Variants in C8orf89 observed in about 807,000 individuals in gnomAD.
The protein encoded by C8orf89 is chromosome 8 open reading frame 89.
A neutral mutation model predicts 15.8 loss-of-function variants in C8orf89; 14 were observed. The observed-to-expected ratio is 0.89, with a 90% CI of 0.59 to 1.39. C8orf89 has a LOEUF of 1.39. Among genes scored for constraint, C8orf89 ranks in the 40% most tolerant of loss-of-function variants. The pLI is 0.00. For missense variants in C8orf89, 181 were observed against 184.5 expected (o/e 0.98, Z 0.11); for synonymous variants, 55 against 62.2 (o/e 0.88, Z 0.54).
At chr8:73,249,804 G>A (rs1372490534) in intron 3 of C8orf89, among the ~76,000 whole-genome samples, 1 of 152,068 alleles carries the variant, frequency 6.6e-6, no homozygotes, top group Non-Finnish European at 1.5e-5. Flanking sequence ...TAAGTACACA[G>A]GATTCACAAA....
chr8:73,280,720 C>CATATATATACACAT, the C8orf89 span, among the ~76,000 whole-genome samples: 1 of 149,160 alleles, frequency 6.7e-6, no homozygotes, highest in African/African-American at 2.5e-5. Flanking sequence ...TATATATACA[C>CATATATATACACAT]ATATATATAC....
At chr8:73,271,066 C>A in the C8orf89 span, among the ~76,000 whole-genome samples, 26 of 152,314 alleles carry the variant, frequency 1.7e-4, no homozygotes, top group African/African-American at 6.3e-4. Flanking sequence ...CTTTGCCAAT[C>A]CCCCATTCCT....
At chr8:73,247,385 T>C (rs1378494508) in intron 3 of C8orf89, among the ~76,000 whole-genome samples, 2 of 152,240 alleles carry the variant, frequency 1.3e-5, no homozygotes, top group Non-Finnish European at 2.9e-5. Flanking sequence ...CTATTGTGAA[T>C]AGTGCTGCAG....
chr8:73,277,976 G>A, the C8orf89 span: 1 of 637,924 alleles, frequency 1.6e-6, no homozygotes, highest in Non-Finnish European at 3.0e-6. Context: ...CAAGGCAGCA[G>A]CCCCCAGGGC....
chr8:73,269,764 T>G, the C8orf89 span, among the ~76,000 whole-genome samples: 1 of 152,166 alleles, frequency 6.6e-6, no homozygotes, highest in African/African-American at 2.4e-5. Context: ...TAACTCAATA[T>G]AGTATGTAAA....
chr8:73,247,358 T>G (rs760345538), intron 3 of C8orf89, among the ~76,000 whole-genome samples: 9 of 152,238 alleles, frequency 5.9e-5, no homozygotes, highest in Non-Finnish European at 1.0e-4. Context: ...GGCATTTAGG[T>G]TGAGTCCATG....
chr8:73,274,120 C>G, the C8orf89 span, among the ~76,000 whole-genome samples: 1 of 151,896 alleles, frequency 6.6e-6, no homozygotes, highest in Non-Finnish European at 1.5e-5. Context: ...AGGTGCTTAC[C>G]TGACACTATA....
the C8orf89 span, among the ~76,000 whole-genome samples, chr8:73,270,060 A>G: frequency 6.6e-6 from 1 of 152,248 alleles, no homozygotes. Flanking sequence ...AAAAACTTAT[A>G]GTAGCAAGAA....
the C8orf89 span, among the ~76,000 whole-genome samples, chr8:73,281,278 T>C: frequency 6.6e-6 from 1 of 152,076 alleles, no homozygotes; most frequent in South Asian, 2.1e-4. Flanking sequence ...AAATAATCAT[T>C]GATACATGAA....
Sources: allele counts gnomAD v4.1 joint callset (sites outside exome capture counted in the v4.1 genomes callset), GRCh38; gene constraint gnomAD v4.1.1; transcripts MANE v1.5; gene names NCBI Gene and HGNC (gene_info 2026-07-23, HGNC 2026-07-21).